PPP2R2B: variants seen among roughly 807,000 people sequenced by gnomAD.
PPP2R2B encodes the protein protein phosphatase 2 regulatory subunit Bbeta, also known as serine/threonine-protein phosphatase 2A 55 kDa regulatory subunit B beta isoform.
Under a neutral mutation model 46.0 loss-of-function variants are expected in PPP2R2B, and 5 were observed. That is an observed-to-expected ratio of 0.11 (90% CI 0.06 to 0.23). The LOEUF (loss-of-function observed/expected upper bound fraction) is 0.23. PPP2R2B is among the 10% of genes least tolerant of loss of function. The pLI, the probability that PPP2R2B is intolerant of heterozygous loss-of-function variation, is 1.00. For missense variants in PPP2R2B, 367 were observed against 575.0 expected (o/e 0.64, Z 3.70); for synonymous variants, 215 against 206.7 (o/e 1.04, Z -0.34).
At chr5:146,756,906 A>G (rs1753868709) in intron 2 of PPP2R2B, among the ~76,000 whole-genome samples, 1 of 152,184 alleles carries the variant, frequency 6.6e-6, no homozygotes, top group Non-Finnish European at 1.5e-5. Flanking sequence ...GGATATGTCA[A>G]ATGTGGTTCC....
intron 2 of PPP2R2B, among the ~76,000 whole-genome samples, chr5:146,870,451 G>A (rs562616208): frequency 4.6e-5 from 7 of 152,298 alleles, no homozygotes; most frequent in Admixed American, 3.3e-4. Context: ...TGAGGACCCA[G>A]CAAGAAGTTG....
intron 1 of PPP2R2B, among the ~76,000 whole-genome samples, chr5:147,009,283 T>A (rs531877750): frequency 2.6e-5 from 4 of 152,282 alleles, no homozygotes; most frequent in Admixed American, 1.3e-4. Context: ...TTAATGCTGA[T>A]CCCATTCCTG....
chr5:146,798,143 C>T (rs1190231983), intron 2 of PPP2R2B, among the ~76,000 whole-genome samples: 5 of 152,064 alleles, frequency 3.3e-5, no homozygotes, highest in African/African-American at 1.2e-4. Context: ...CTCTAATTGG[C>T]TTTTACCCTC....
intron 1 of PPP2R2B, chr5:147,054,661 T>C: frequency 2.2e-6 from 1 of 456,238 alleles, no homozygotes; most frequent in Non-Finnish European, 4.4e-6. Flanking sequence ...GGATTCTACC[T>C]GGAGGATGAA....
At chr5:146,619,527 GCAGCCATGCAGAAATGGGGCTC>G (rs1773500776) in intron 7 of PPP2R2B, among the ~76,000 whole-genome samples, 1 of 152,194 alleles carries the variant, frequency 6.6e-6, no homozygotes, top group Non-Finnish European at 1.5e-5. Context: ...CCGGCTGAAT[GCAGCCATGCAGAAATGGGGCTC>G]CAGCACAGCC....
chr5:146,917,864 C>G (rs890109251), intron 1 of PPP2R2B: 2 of 152,112 alleles, frequency 1.3e-5, no homozygotes, highest in African/African-American at 4.8e-5. Flanking sequence ...CTCAAGGATG[C>G]GAAGTATCTG....
At chr5:146,965,491 C>T (rs1175505291) in intron 1 of PPP2R2B, among the ~76,000 whole-genome samples, 1 of 151,956 alleles carries the variant, frequency 6.6e-6, no homozygotes, top group Admixed American at 6.6e-5. Context: ...TTTTTTTAAT[C>T]CGTGAAAAAG....
chr5:146,770,453 A>G (rs1376437838), intron 2 of PPP2R2B, among the ~76,000 whole-genome samples: 1 of 151,938 alleles, frequency 6.6e-6, no homozygotes, highest in Non-Finnish European at 1.5e-5. Context: ...TGTTCACAAT[A>G]TACTACTAAG....
At chr5:146,821,913 T>C (rs1402123818) in intron 2 of PPP2R2B, among the ~76,000 whole-genome samples, 1 of 152,188 alleles carries the variant, frequency 6.6e-6, no homozygotes, top group Non-Finnish European at 1.5e-5. Flanking sequence ...CTAATATTCA[T>C]ATTCACATTT....
intron 1 of PPP2R2B, among the ~76,000 whole-genome samples, chr5:146,960,576 G>A (rs988259326): frequency 6.6e-6 from 1 of 152,064 alleles, no homozygotes; most frequent in African/African-American, 2.4e-5. Flanking sequence ...AATAAAAGTC[G>A]CTCAGAGTTT....
intron 5 of PPP2R2B, among the ~76,000 whole-genome samples, chr5:146,683,752 T>C (rs400107): frequency 0.25 from 37,305 of 151,966 alleles, 6,137 homozygotes; most frequent in African/African-American, 0.45. Flanking sequence ...AGGGTAGTGG[T>C]TAAATTCTCG....
At chr5:146,942,824 G>A (rs1387643417) in intron 1 of PPP2R2B, among the ~76,000 whole-genome samples, 2 of 150,350 alleles carry the variant, frequency 1.3e-5, no homozygotes, top group Admixed American at 6.6e-5. Context: ...TTGAGATGGA[G>A]TCTCACTCTG....
rs1769993471 is a variant in PPP2R2B at position 146,583,418 on chromosome 5, TA to T, written c.*6528del. ...AATTTTATGAGATAGATGTCGTTTT[TA>T]TCCTTATCTCATAATGAGAAAATCG... is the stretch of plus-strand genomic sequence containing the variant. On this transcript the variant is annotated 3_prime_UTR_variant, in exon 10 of 10. Coordinates refer to ENST00000394411, the MANE Select transcript of PPP2R2B (RefSeq NM_181675.4). The T allele has an allele frequency of 6.6e-6, 1 of 152,224 alleles. No individual in the cohort carries two copies. The allele number at this position is 152,224 out of a possible 1,614,324, so 9.4% of individuals were successfully genotyped here.
At chr5:146,977,214 C>A (rs1251617297) in intron 1 of PPP2R2B, among the ~76,000 whole-genome samples, 1 of 151,958 alleles carries the variant, frequency 6.6e-6, no homozygotes, top group Non-Finnish European at 1.5e-5. Context: ...ATTGTAATAG[C>A]CTTTACTTTA....
intron 1 of PPP2R2B, among the ~76,000 whole-genome samples, chr5:146,891,633 T>C (rs1477621770): frequency 6.6e-6 from 1 of 152,210 alleles, no homozygotes; most frequent in African/African-American, 2.4e-5. Context: ...CACTAGGCTT[T>C]CTAGTTGCTT....
intron 2 of PPP2R2B, among the ~76,000 whole-genome samples, chr5:146,841,470 A>T (rs570003865): frequency 1.3e-5 from 2 of 152,262 alleles, no homozygotes; most frequent in African/African-American, 4.8e-5. Context: ...AAAATTCCTC[A>T]TTCCTACCTC....
intron 1 of PPP2R2B, among the ~76,000 whole-genome samples, chr5:146,983,475 C>T (rs995688964): frequency 2.6e-5 from 4 of 152,250 alleles, no homozygotes; most frequent in Non-Finnish European, 4.4e-5. Flanking sequence ...CCACTGCACC[C>T]GGCCCAGAGC....
chr5:147,044,746 C>G (rs962633024), intron 1 of PPP2R2B, among the ~76,000 whole-genome samples: 1 of 152,156 alleles, frequency 6.6e-6, no homozygotes, highest in African/African-American at 2.4e-5. Flanking sequence ...GTCAACTCCC[C>G]TGAGAGGGCT....
intron 2 of PPP2R2B, among the ~76,000 whole-genome samples, chr5:146,711,294 G>A (rs928937397): frequency 6.6e-6 from 1 of 151,860 alleles, no homozygotes; most frequent in African/African-American, 2.4e-5. Context: ...ATGGATCACT[G>A]AATGGGCACT....
Sources: gnomAD v4.1 joint callset for allele counts (sites outside exome capture counted in the v4.1 genomes callset) on GRCh38, gnomAD v4.1.1 for gene constraint, MANE v1.5 for transcripts, NCBI Gene and HGNC (gene_info 2026-07-23, HGNC 2026-07-21) for gene names.